The following ACTA2 variants were observed in gnomAD, a reference collection of about 807,000 sequenced individuals.
ACTA2 encodes actin alpha 2, smooth muscle, also known as actin, aortic smooth muscle.
ACTA2 carries 12 observed loss-of-function variants against 39.5 expected under a neutral mutation model. The ratio of observed to expected loss-of-function variants is 0.30; its 90% CI spans 0.19 to 0.49. The LOEUF is 0.49. ACTA2 is among the 20% of genes least tolerant of loss of function. The probability of loss-of-function intolerance (pLI) is 0.99; values close to 1 mark genes in which losing one functional copy is unlikely to be tolerated. For synonymous variants in ACTA2, 158 were observed against 180.6 expected (o/e 0.88, Z 1.00); for missense variants, 236 against 498.8 (o/e 0.47, Z 5.02).
chr10:88,946,598 A>T (rs1589398382), intron 3 of ACTA2, among the ~76,000 whole-genome samples: 1 of 150,740 alleles, frequency 6.6e-6, no homozygotes, highest in African/African-American at 2.4e-5. Context: ...TTACTATGTT[A>T]CCCAGCCTGG....
At chr10:88,948,726 G>A in intron 2 of ACTA2, 76 bp downstream of exon 2, 2 of 1,598,036 alleles carry the variant, frequency 1.3e-6, no homozygotes, top group South Asian at 2.2e-5. Context: ...GAAAGAGATA[G>A]ACAATCTGGG....
At chr10:88,951,211 G>T (rs1055983089) in intron 1 of ACTA2, among the ~76,000 whole-genome samples, 5 of 152,210 alleles carry the variant, frequency 3.3e-5, no homozygotes, top group Non-Finnish European at 5.9e-5. Flanking sequence ...AAGCCTAAGA[G>T]CCTGGGGTAT....
chr10:88,976,202 GC>G (rs749872955), intron 1 of ACTA2, among the ~76,000 whole-genome samples: 1 of 151,906 alleles, frequency 6.6e-6, no homozygotes, highest in Non-Finnish European at 1.5e-5. Flanking sequence ...TAGCTGATGA[GC>G]TAAAAAAAAA....
At chr10:88,947,454 C>T in intron 2 of ACTA2, 68 bp from the exon 3 acceptor site, 4 of 1,605,352 alleles carry the variant, frequency 2.5e-6, no homozygotes, top group Non-Finnish European at 3.4e-6. Context: ...AGCCAAGCCA[C>T]AAAAGGTTAA....
At chr10:88,939,368 G>T in intron 7 of ACTA2, 139 bp downstream of exon 7, 1 of 1,111,786 alleles carries the variant, frequency 9.0e-7, no homozygotes, top group Non-Finnish European at 1.4e-6. Flanking sequence ...CCTTGAAAAT[G>T]TGGCACTTTC....
intron 1 of ACTA2, chr10:88,989,480 G>C (rs1485747394): frequency 1.8e-6 from 1 of 543,564 alleles, no homozygotes; most frequent in East Asian, 4.3e-5. Flanking sequence ...TGCTCAGAGT[G>C]TGTGCACAAG....
intron 1 of ACTA2, chr10:88,973,090 T>C: frequency 7.2e-7 from 1 of 1,385,284 alleles, no homozygotes; most frequent in Non-Finnish European, 9.7e-7. Context: ...AAAAAATAAT[T>C]TTAACTTCTA....
chr10:88,979,134 T>C (rs1346447395), intron 1 of ACTA2, among the ~76,000 whole-genome samples: 1 of 152,114 alleles, frequency 6.6e-6, no homozygotes, highest in East Asian at 1.9e-4. Context: ...AAAAATTAAG[T>C]ACAATTAAAA....
intron 1 of ACTA2, among the ~76,000 whole-genome samples, chr10:88,962,911 CCATATATATATATATATATATATATATA>C (rs1455658456): frequency 2.1e-5 from 1 of 46,560 alleles, no homozygotes; most frequent in Non-Finnish European, 4.1e-5. Context: ...GGGGAATGCC[CCATATATATATATATATATATATATATA>C]TATATATATA....
upstream of ACTA2, among the ~76,000 whole-genome samples, chr10:88,954,934 G>T (rs890950159): frequency 6.7e-6 from 1 of 148,526 alleles, no homozygotes. Context: ...GATATCTCCA[G>T]CCAAGCGGCC....
chr10:88,937,435 T>G (rs1252959823), intron 8 of ACTA2, among the ~76,000 whole-genome samples: 1 of 152,174 alleles, frequency 6.6e-6, no homozygotes, highest in African/African-American at 2.4e-5. Context: ...TCCAAAGAAT[T>G]ATCTCCATTT....
At chr10:88,957,167 T>C (rs1444824896), upstream of ACTA2, among the ~76,000 whole-genome samples, 4 of 152,208 alleles carry the variant, frequency 2.6e-5, no homozygotes, top group African/African-American at 4.8e-5. Flanking sequence ...GATCCTGTAA[T>C]GGCCAACTAG....
chr10:88,976,799 G>A (rs1300938703), intron 1 of ACTA2, among the ~76,000 whole-genome samples: 2 of 152,162 alleles, frequency 1.3e-5, no homozygotes, highest in African/African-American at 4.8e-5. Context: ...AAATGTAAAG[G>A]TCCAGGTGCT....
upstream of ACTA2, among the ~76,000 whole-genome samples, chr10:88,953,663 G>C (rs1197247523): frequency 1.3e-5 from 2 of 152,130 alleles, no homozygotes; most frequent in Admixed American, 1.3e-4. Context: ...ATCTCGTCTC[G>C]AATTCTAATC....
intron 1 of ACTA2, among the ~76,000 whole-genome samples, chr10:88,972,847 TCTGATTGTTTTTCCAGTGTCTACTTAA>T (rs1225052613): frequency 6.6e-6 from 1 of 152,320 alleles, no homozygotes; most frequent in African/African-American, 2.4e-5. Context: ...TTAATCTGTT[TCTGATTGTTTTTCCAGTGTCTACTTAA>T]CTGAGACTCT....
chr10:88,955,183 A>T (rs1846118022), upstream of ACTA2, among the ~76,000 whole-genome samples: 1 of 152,182 alleles, frequency 6.6e-6, no homozygotes, highest in South Asian at 2.1e-4. Flanking sequence ...TCTTAGTAAG[A>T]TTATTTAGTT....
At position 88,943,886 on chromosome 10, in the gene ACTA2, T is replaced by C. The variant is rs778382397; in HGVS notation, c.280A>G (p.Asn94Asp). Residue 94 changes from asparagine to aspartate, a missense_variant, in exon 4 of 9, where the codon AAT becomes GAT. Asn to Asp is a conservative substitution (Grantham distance 23, BLOSUM62 1). Coordinates refer to ENST00000224784, the MANE Select transcript of ACTA2 (RefSeq NM_001613.4). ...MEKIWHHSFY[N>D]ELRVAPEEHP... Reference sequence around the variant, plus strand: ...TCTTCAGGGGCAACACGAAGCTCATTGTAGAAAGAGTGGTGCCAGATCTAG... The same window carrying C: ...TCTTCAGGGGCAACACGAAGCTCATCGTAGAAAGAGTGGTGCCAGATCTAG... 5 of 1,613,908 alleles carry C rather than the reference T, an allele frequency of 3.1e-6. No homozygotes were observed. The Admixed American group carries it at 6.7e-5, about 22-fold the overall frequency.
At chr10:88,968,807 A>G (rs967958023) in intron 1 of ACTA2, among the ~76,000 whole-genome samples, 6 of 152,210 alleles carry the variant, frequency 3.9e-5, no homozygotes, top group South Asian at 2.1e-4. Flanking sequence ...TAATGTGTGC[A>G]TGTTAAAGAG....
intron 1 of ACTA2, among the ~76,000 whole-genome samples, chr10:88,966,404 G>C (rs1846318618): frequency 1.3e-5 from 2 of 152,166 alleles, no homozygotes; most frequent in Non-Finnish European, 2.9e-5. Flanking sequence ...GCTTTGAAGA[G>C]TTCACTAAGC....
Sources: allele counts gnomAD v4.1 joint callset (sites outside exome capture counted in the v4.1 genomes callset), GRCh38; gene constraint gnomAD v4.1.1; transcripts MANE v1.5; gene names NCBI Gene and HGNC (gene_info 2026-07-23, HGNC 2026-07-21).